Variants in VRK1 observed in about 807,000 individuals in gnomAD.
VRK1 encodes the protein VRK serine/threonine kinase 1, also known as serine/threonine-protein kinase VRK1.
Under a neutral mutation model 57.1 loss-of-function variants are expected in VRK1, and 33 were observed. That is an observed-to-expected ratio of 0.58 (90% CI 0.44 to 0.77). The LOEUF (loss-of-function observed/expected upper bound fraction) is 0.77. Ranked by LOEUF, VRK1 falls within the 30% of genes least tolerant of loss-of-function variation. The probability of loss-of-function intolerance (pLI) is 0.00; values close to 1 mark genes in which losing one functional copy is unlikely to be tolerated. For missense variants in VRK1, 413 were observed against 477.3 expected, an observed-to-expected ratio of 0.87 and a Z score of 1.25; for synonymous variants, 137 against 147.8, an observed-to-expected ratio of 0.93 and a Z score of 0.53.
chr14:96,852,335 A>C (rs1487090624), intron 5 of VRK1, among the ~76,000 whole-genome samples: 1 of 152,202 alleles, frequency 6.6e-6, no homozygotes, highest in African/African-American at 2.4e-5. Context: ...CTTTTACGCC[A>C]TTTAAACAAT....
intron 11 of VRK1, among the ~76,000 whole-genome samples, chr14:96,865,636 A>G (rs1393485123): frequency 6.6e-6 from 1 of 152,200 alleles, no homozygotes; most frequent in Non-Finnish European, 1.5e-5. Flanking sequence ...TTCCATAGCC[A>G]TAGTAGGCCC....
Position 96,856,592 on chromosome 14 carries a change from A to G in VRK1, c.889+6A>G. The G allele has an allele frequency of 3.1e-6, 5 of 1,612,380 alleles. No individual in the cohort carries two copies. The highest frequency in any genetic ancestry group is 3.4e-6 in the Non-Finnish European group (4 of 1,178,448). ...TCCTGAGAAAAACAAACCAGGTAGG[A>G]AATGACTTCTTCAGTGTTAATAGGG... is the stretch of plus-strand genomic sequence containing the variant. On this transcript the variant is annotated splice_donor_region_variant and intron_variant, in intron 10 of 12. Coordinates refer to ENST00000216639, the MANE Select transcript of VRK1 (RefSeq NM_003384.3).
intron 11 of VRK1, among the ~76,000 whole-genome samples, chr14:96,871,657 G>C (rs1888827418): frequency 6.6e-6 from 1 of 152,174 alleles, no homozygotes; most frequent in African/African-American, 2.4e-5. Flanking sequence ...GCACACAGTA[G>C]ATGCTTAATA....
intron 1 of VRK1, among the ~76,000 whole-genome samples, chr14:96,824,443 T>G (rs896427474): frequency 9.2e-5 from 14 of 152,072 alleles, no homozygotes; most frequent in Non-Finnish European, 1.8e-4. Flanking sequence ...ATGAGATGAT[T>G]CAGTGTCAGC....
intron 1 of VRK1, among the ~76,000 whole-genome samples, chr14:96,831,149 G>A (rs905167353): frequency 1.3e-5 from 2 of 152,198 alleles, no homozygotes; most frequent in Non-Finnish European, 2.9e-5. Context: ...AGATTTATCA[G>A]AGGCACCATA....
At chr14:96,798,060 G>T (rs1352429325) in intron 1 of VRK1, among the ~76,000 whole-genome samples, 1 of 152,126 alleles carries the variant, frequency 6.6e-6, no homozygotes, top group Admixed American at 6.5e-5. Flanking sequence ...AGCCAGGCCT[G>T]GGGACCGCGA....
chr14:96,823,479 C>A (rs1016754812), intron 1 of VRK1, among the ~76,000 whole-genome samples: 1 of 152,138 alleles, frequency 6.6e-6, no homozygotes, highest in Admixed American at 6.5e-5. Context: ...GAAAAAAATA[C>A]CAATTGTAAT....
At chr14:96,856,086 A>C in intron 8 of VRK1, 44 bp from the exon 9 acceptor site, 1 of 1,605,838 alleles carries the variant, frequency 6.2e-7, no homozygotes, top group Non-Finnish European at 8.5e-7. Flanking sequence ...TTATACATTA[A>C]AAATTATTTC....
At chr14:96,832,578 T>C (rs1426995505) in intron 1 of VRK1, among the ~76,000 whole-genome samples, 1 of 152,084 alleles carries the variant, frequency 6.6e-6, no homozygotes, top group Non-Finnish European at 1.5e-5. Flanking sequence ...AACCAGCTGG[T>C]GTCATACCTG....
At chr14:96,835,355 C>T (rs1887172987) in intron 2 of VRK1, among the ~76,000 whole-genome samples, 1 of 152,032 alleles carries the variant, frequency 6.6e-6, no homozygotes, top group South Asian at 2.1e-4. Context: ...ATACCTTTTT[C>T]CTAGTTTTCT....
chr14:96,797,976 A>T (rs1885506876), intron 1 of VRK1, among the ~76,000 whole-genome samples: 1 of 152,122 alleles, frequency 6.6e-6, no homozygotes, highest in South Asian at 2.1e-4. Context: ...AGGTTAGGTG[A>T]TCCGGGAGGG....
At chr14:96,856,082 A>G (rs920217677) in intron 8 of VRK1, 48 bp from the exon 9 acceptor site, 2 of 1,601,468 alleles carry the variant, frequency 1.2e-6, no homozygotes, top group African/African-American at 2.7e-5. Context: ...TAAATTATAC[A>G]TTAAAAATTA....
At chr14:96,873,107 G>C (rs143484933) in intron 11 of VRK1, among the ~76,000 whole-genome samples, 1 of 152,152 alleles carries the variant, frequency 6.6e-6, no homozygotes, top group East Asian at 1.9e-4. Context: ...ATCTCTTAGA[G>C]ACAGCCATGA....
intron 1 of VRK1, among the ~76,000 whole-genome samples, chr14:96,813,549 G>A (rs372998581): frequency 3.3e-5 from 5 of 151,356 alleles, no homozygotes; most frequent in African/African-American, 9.7e-5. Flanking sequence ...AAAACTTTTC[G>A]GAAGACGTTT....
intron 1 of VRK1, among the ~76,000 whole-genome samples, chr14:96,822,584 A>G (rs1399760007): frequency 6.6e-6 from 1 of 152,252 alleles, no homozygotes; most frequent in Non-Finnish European, 1.5e-5. Context: ...TTGGATTTGT[A>G]TCAAGCTTAT....
At position 96,855,241 on chromosome 14, in the gene VRK1, T is replaced by C. The variant is rs1443821513; in HGVS notation, c.594T>C (p.Tyr198=). The C allele has an allele frequency of 6.2e-7, 1 of 1,613,962 alleles. No homozygotes were observed. Among genetic ancestry groups the C allele is most frequent in the Middle Eastern group, 1.6e-4 (1 of 6,084 alleles). ...ATTTATAGGTGTACTTGGTAGATTA[T>C]GGCCTTGCTTATCGGTACTGCCCAG... ...KNPDQVYLVD[Y]GLAYRYCPEG... Residue 198 remains tyrosine, a synonymous_variant, in exon 8 of 13, where the codon TAT becomes TAC. Transcript: ENST00000216639.
chr14:96,846,148 T>C lies in VRK1; in HGVS notation c.270T>C (p.Ala90=). ...CTGAATTAAAGTTCTACCAACGAGC[T>C]GCAAAACCAGAGCAAAGTAAGAAAT... is the stretch of plus-strand genomic sequence containing the variant. ...LFTELKFYQR[A]AKPEQIQKWI... Residue 90 remains alanine (A), a synonymous_variant, in exon 4 of 13, where the codon GCT becomes GCC. Transcript: ENST00000216639. 6.2e-7 allele frequency: 1 copy of C among 1,613,428 alleles called. No individual in the cohort carries two copies. Among genetic ancestry groups the C allele is most frequent in the Non-Finnish European group, 8.5e-7 (1 of 1,179,550 alleles).
intron 4 of VRK1, 40 bp from the exon 5 acceptor site, chr14:96,847,217 T>C (rs1350039327): frequency 6.5e-7 from 1 of 1,530,332 alleles, no homozygotes; most frequent in South Asian, 1.1e-5. Context: ...ATCATTTATG[T>C]ATAACAATTG....
chr14:96,875,048 A>G (rs1337402122), intron 11 of VRK1, among the ~76,000 whole-genome samples: 2 of 152,310 alleles, frequency 1.3e-5, no homozygotes, highest in East Asian at 1.9e-4. Flanking sequence ...ATACAGACTT[A>G]TTTTAGGCAA....
Sources: gnomAD v4.1 joint callset for allele counts (sites outside exome capture counted in the v4.1 genomes callset) on GRCh38, gnomAD v4.1.1 for gene constraint, MANE v1.5 for transcripts, NCBI Gene and HGNC (gene_info 2026-07-23, HGNC 2026-07-21) for gene names.